RTF2: variants seen among roughly 807,000 people sequenced by gnomAD.
RTF2 encodes the protein UPF0549 protein C20orf43.
RTF2 carries 18 observed loss-of-function variants against 38.0 expected under a neutral mutation model. The ratio of observed to expected loss-of-function variants is 0.47; its 90% CI spans 0.33 to 0.70. RTF2 has a LOEUF of 0.70. Ranked by LOEUF, RTF2 falls within the 30% of genes least tolerant of loss-of-function variation. RTF2 has a pLI of 0.02. For missense variants in RTF2, 311 were observed against 379.6 expected (o/e 0.82, Z 1.50); for synonymous variants, 126 against 137.1 (o/e 0.92, Z 0.57).
chr20:56,515,970 A>G (rs527328074), intron 6 of RTF2: 8 of 152,372 alleles, frequency 5.3e-5, no homozygotes, highest in Non-Finnish European at 7.3e-5. Context: ...CTTTTCAAAT[A>G]ACCTCAGCTG....
At chr20:56,517,979 CA>C in intron 8 of RTF2, 107 bp from the exon 9 acceptor site, 1 of 1,117,244 alleles carries the variant, frequency 9.0e-7, no homozygotes, top group Non-Finnish European at 1.3e-6. Context: ...ACACAGCCAG[CA>C]AGAGAACGTC....
rs76495838 is a variant in RTF2 at position 56,492,766 on chromosome 20, G to A, written c.477+8577G>A. On this transcript the variant is annotated intron_variant, in intron 5 of 8. Transcript: ENST00000357348. The stretch of plus-strand genomic sequence containing the variant: ...GGAGGAAACAGATTAGCGAAGTGAG[G>A]CCTCAGCGTATGTGTGAGAGGGAAG... Among the ~76,000 whole-genome samples the A allele has an allele frequency of 5.3e-5, 8 of 152,132 alleles. No individual in the cohort carries two copies. In the East Asian group the frequency reaches 5.9e-4, roughly 11 times the overall value.
In RTF2 at chr20:56,512,841, G is replaced by A. The variant is rs188785649; in HGVS notation, c.478-474G>A. On this transcript the variant is annotated intron_variant, in intron 5 of 8. Transcript: ENST00000357348. ...TTGTACGAAGTGAATACTTCCCCCC[G>A]CAACGAAACTGCAACACGTGTGATG... 7.6e-4 allele frequency among the ~76,000 whole-genome samples: 116 copies of A among 152,234 alleles called. 1 individual carries two copies. In the South Asian group the frequency reaches 0.01, roughly 14 times the overall value.
At chr20:56,509,398 G>A (rs2146368636) in intron 5 of RTF2, among the ~76,000 whole-genome samples, 1 of 152,264 alleles carries the variant, frequency 6.6e-6, no homozygotes, top group South Asian at 2.1e-4. Flanking sequence ...GATCACCTGA[G>A]GTCGGGAGTT....
chr20:56,478,162 G>A (rs560911604), intron 4 of RTF2, among the ~76,000 whole-genome samples: 28 of 152,282 alleles, frequency 1.8e-4, no homozygotes, highest in African/African-American at 6.0e-4. Context: ...TGGAAAGCAA[G>A]TCACACAAAA....
chr20:56,474,387 AG>A (rs1982130313), intron 2 of RTF2, among the ~76,000 whole-genome samples: 1 of 152,192 alleles, frequency 6.6e-6, no homozygotes, highest in African/African-American at 2.4e-5. Flanking sequence ...AGGCTGAGGC[AG>A]GAGAATTGCT....
intron 5 of RTF2, chr20:56,491,629 C>T: frequency 6.4e-7 from 1 of 1,551,926 alleles, no homozygotes; most frequent in South Asian, 1.2e-5. Context: ...GAACTTCTGC[C>T]TGCCTCAGCA....
chr20:56,515,748 A>G (rs143763453), intron 6 of RTF2: 1 of 152,080 alleles, frequency 6.6e-6, no homozygotes, highest in East Asian at 1.9e-4. Flanking sequence ...CCCTTTGACC[A>G]TTTTGCTTTC....
At chr20:56,483,115 A>G (rs1423842230) in intron 4 of RTF2, among the ~76,000 whole-genome samples, 2 of 152,182 alleles carry the variant, frequency 1.3e-5, no homozygotes, top group Admixed American at 6.5e-5. Flanking sequence ...AGGAACATGT[A>G]GGTGGCCTCC....
At chr20:56,469,439 C>T (rs1349598551) in intron 1 of RTF2, among the ~76,000 whole-genome samples, 2 of 152,194 alleles carry the variant, frequency 1.3e-5, no homozygotes, top group African/African-American at 2.4e-5. Context: ...TTGCTACTGA[C>T]GGGGACATTG....
At chr20:56,510,083 AGAC>A (rs1464374246) in intron 5 of RTF2, among the ~76,000 whole-genome samples, 1 of 152,134 alleles carries the variant, frequency 6.6e-6, no homozygotes, top group East Asian at 1.9e-4. Context: ...TGGTTGCCTA[AGAC>A]TGAGGAAAGG....
At chr20:56,506,999 C>T (rs922709033) in intron 5 of RTF2, among the ~76,000 whole-genome samples, 1 of 151,984 alleles carries the variant, frequency 6.6e-6, no homozygotes, top group Non-Finnish European at 1.5e-5. Flanking sequence ...CGCGCCTGGC[C>T]GTATTATGAT....
Position 56,491,703 on chromosome 20 carries a change from T to C in RTF2, c.477+7514T>C, listed in dbSNP as rs1313191776. ...AGCGGGTCTGTCGAGGGTTCGAATT[T>C]GTTGGCAAACAGAGAAGGCGACTGA... On this transcript the variant is annotated intron_variant, in intron 5 of 8. Transcript: ENST00000357348. 7 of 1,552,310 alleles carry C rather than the reference T, an allele frequency of 4.5e-6. No homozygotes were observed. The South Asian group carries it at 7.1e-5, about 16-fold the overall frequency.
chr20:56,506,105 T>G (rs1415794404), intron 5 of RTF2, among the ~76,000 whole-genome samples: 2 of 152,218 alleles, frequency 1.3e-5, no homozygotes, highest in East Asian at 3.8e-4. Flanking sequence ...TCTCCTTTTA[T>G]ACTACTTTGA....
intron 4 of RTF2, among the ~76,000 whole-genome samples, 158 bp from the exon 5 acceptor site, chr20:56,483,953 T>A (rs563467164): frequency 4.7e-4 from 72 of 152,346 alleles, no homozygotes; most frequent in African/African-American, 1.7e-3. Context: ...TTATTTCTTT[T>A]TTTCCTGCCC....
At chr20:56,512,377 T>C (rs922887403) in intron 5 of RTF2, among the ~76,000 whole-genome samples, 33 of 151,940 alleles carry the variant, frequency 2.2e-4, no homozygotes, top group Admixed American at 3.9e-4. Context: ...GAAAACAACA[T>C]AGACAAAGTG....
At chr20:56,487,822 C>A (rs1235872111) in intron 5 of RTF2, among the ~76,000 whole-genome samples, 1 of 152,232 alleles carries the variant, frequency 6.6e-6, no homozygotes, top group Non-Finnish European at 1.5e-5. Flanking sequence ...AGACGGCCTT[C>A]GCCCTGTTCA....
At chr20:56,484,006 G>C (rs910555176) in intron 4 of RTF2, 105 bp from the exon 5 acceptor site, 1 of 861,090 alleles carries the variant, frequency 1.2e-6, no homozygotes, top group Non-Finnish European at 1.8e-6. Flanking sequence ...AGAGTAAAAT[G>C]TAACTATTTT....
In RTF2 at chr20:56,506,361, A is replaced by G. The variant is rs1242688409; in HGVS notation, c.478-6954A>G. On this transcript the variant is annotated intron_variant, in intron 5 of 8. Coordinates refer to ENST00000357348, the MANE Select transcript of RTF2 (RefSeq NM_016407.5). ...CAAAAACAGGATTCCGTGATAAGAGAATGACCATGTCTCGGAAGTGGAATT... is the reference window on the plus strand; with the variant it reads ...CAAAAACAGGATTCCGTGATAAGAGGATGACCATGTCTCGGAAGTGGAATT... Among the ~76,000 whole-genome samples, 5 of 152,206 alleles carry G rather than the reference A, an allele frequency of 3.3e-5. No individual in the cohort carries two copies. In the East Asian group the frequency reaches 9.6e-4, roughly 29 times the overall value.
Sources: allele counts gnomAD v4.1 joint callset (sites outside exome capture counted in the v4.1 genomes callset), GRCh38; gene constraint gnomAD v4.1.1; transcripts MANE v1.5; gene names NCBI Gene and HGNC (gene_info 2026-07-23, HGNC 2026-07-21).